GAB2: variants seen among roughly 807,000 people sequenced by gnomAD.
GAB2 encodes GRB2-associated-binding protein 2.
A neutral mutation model predicts 65.5 loss-of-function variants in GAB2; 26 were observed. The observed-to-expected ratio is 0.40, with a 90% CI of 0.29 to 0.55. GAB2 has a LOEUF of 0.55. Ranked by LOEUF, GAB2 falls within the 20% of genes least tolerant of loss-of-function variation. The pLI is 0.53. For synonymous variants in GAB2, 321 were observed against 329.6 expected (o/e 0.97, Z 0.28); for missense variants, 884 against 875.8 (o/e 1.01, Z -0.12).
At chr11:78,396,108 T>C (rs755906691) in intron 1 of GAB2, among the ~76,000 whole-genome samples, 1 of 152,188 alleles carries the variant, frequency 6.6e-6, no homozygotes, top group Non-Finnish European at 1.5e-5. Context: ...GTTCCTTAAT[T>C]TTCATATACT....
chr11:78,294,865 C>A (rs1010349623), intron 1 of GAB2, among the ~76,000 whole-genome samples: 8 of 152,198 alleles, frequency 5.3e-5, no homozygotes, highest in Admixed American at 2.0e-4. Context: ...AAAGCAATGG[C>A]AACAAAAGCC....
chr11:78,382,950 C>T (rs141108838), intron 1 of GAB2, among the ~76,000 whole-genome samples: 89 of 152,320 alleles, frequency 5.8e-4, no homozygotes, highest in African/African-American at 2.1e-3. Flanking sequence ...TCAGAAAACA[C>T]ATTTAGTCTA....
chr11:78,289,581 C>T (rs932172430), intron 1 of GAB2, among the ~76,000 whole-genome samples: 5 of 152,034 alleles, frequency 3.3e-5, no homozygotes, highest in African/African-American at 1.2e-4. Context: ...TACAAAGTTT[C>T]AGGAAGTTAA....
intron 1 of GAB2, among the ~76,000 whole-genome samples, chr11:78,315,638 T>A (rs1855587970): frequency 6.6e-6 from 1 of 152,124 alleles, no homozygotes; most frequent in African/African-American, 2.4e-5. Flanking sequence ...ACACCAAAGG[T>A]ATAGGTAGCA....
intron 3 of GAB2, among the ~76,000 whole-genome samples, chr11:78,238,022 G>A (rs1295414252): frequency 6.6e-6 from 1 of 152,134 alleles, no homozygotes; most frequent in African/African-American, 2.4e-5. Flanking sequence ...TACACATTGT[G>A]ACCTGTTAGG....
At chr11:78,386,605 C>T (rs1322941829) in intron 1 of GAB2, among the ~76,000 whole-genome samples, 1 of 152,180 alleles carries the variant, frequency 6.6e-6, no homozygotes, top group Non-Finnish European at 1.5e-5. Context: ...CAGCTACAAC[C>T]CTATATGCCT....
At chr11:78,345,688 GTTAAT>G (rs1225907579) in intron 1 of GAB2, among the ~76,000 whole-genome samples, 1 of 152,200 alleles carries the variant, frequency 6.6e-6, no homozygotes, top group Non-Finnish European at 1.5e-5. Flanking sequence ...GTTTGAAAAT[GTTAAT>G]TTGAGAGTCC....
chr11:78,321,402 C>T (rs559316444), intron 1 of GAB2, among the ~76,000 whole-genome samples: 80 of 152,280 alleles, frequency 5.3e-4, no homozygotes, highest in African/African-American at 1.9e-3. Flanking sequence ...TTATGTTATA[C>T]TTTTTGGCTG....
At chr11:78,411,999 C>T (rs143273931) in intron 1 of GAB2, among the ~76,000 whole-genome samples, 2,468 of 151,796 alleles carry the variant, frequency 0.016, 61 homozygotes, top group African/African-American at 0.056. Flanking sequence ...CACCGCACTC[C>T]AGCCTGGGTG....
chr11:78,334,056 T>C (rs1855959355), intron 1 of GAB2, among the ~76,000 whole-genome samples: 1 of 152,334 alleles, frequency 6.6e-6, no homozygotes, highest in East Asian at 1.9e-4. Flanking sequence ...GGTTCCTTCC[T>C]ATTTTCTACA....
At chr11:78,327,174 A>G (rs1347940406) in intron 1 of GAB2, among the ~76,000 whole-genome samples, 6 of 152,200 alleles carry the variant, frequency 3.9e-5, no homozygotes, top group Non-Finnish European at 1.5e-5. Flanking sequence ...ATCTGGGTCA[A>G]TTTTAATCCT....
At chr11:78,287,215 G>C (rs998708210) in intron 1 of GAB2, among the ~76,000 whole-genome samples, 4 of 152,188 alleles carry the variant, frequency 2.6e-5, no homozygotes, top group African/African-American at 7.2e-5. Context: ...CAGGAACAGA[G>C]GGGAGCTTCT....
intron 2 of GAB2, among the ~76,000 whole-genome samples, chr11:78,269,586 C>T (rs572773836): frequency 6.6e-6 from 1 of 152,352 alleles, no homozygotes; most frequent in African/African-American, 2.4e-5. Context: ...ACCCCACTAA[C>T]ATTCCTCACT....
At chr11:78,266,599 C>T (rs1865882420) in intron 2 of GAB2, among the ~76,000 whole-genome samples, 3 of 152,128 alleles carry the variant, frequency 2.0e-5, no homozygotes, top group Admixed American at 6.5e-5. Flanking sequence ...AGGTTAACCC[C>T]CAATTTTTTA....
rs796161663 is a variant in GAB2 at position 78,291,555 on chromosome 11, C to CTTTTTTTTTTTTTTT, written c.76-10655_76-10654insAAAAAAAAAAAAAAA. The stretch of plus-strand genomic sequence containing the variant: ...CCTATCTTGAGAGACTTACTTTTTT[C>CTTTTTTTTTTTTTTT]TTTTTCTTTTTTTTTTTTTTTTTTT... On this transcript the variant is annotated intron_variant, in intron 1 of 9. Coordinates refer to ENST00000361507, the MANE Select transcript of GAB2 (RefSeq NM_080491.3). 3.6e-4 allele frequency among the ~76,000 whole-genome samples: 20 copies of CTTTTTTTTTTTTTTT among 55,046 alleles called. 6 individuals carry two copies. The highest frequency in any genetic ancestry group is 8.9e-4 in the African/African-American group (14 of 15,662). 36.1% of individuals were successfully genotyped at this position (55,046 alleles called of 152,430 possible).
chr11:78,284,066 A>T (rs1162886403), intron 1 of GAB2, among the ~76,000 whole-genome samples: 1 of 151,952 alleles, frequency 6.6e-6, no homozygotes, highest in African/African-American at 2.4e-5. Context: ...TATCTCCCAG[A>T]TCTGTTCTTC....
At chr11:78,354,763 C>T (rs151305664) in intron 1 of GAB2, among the ~76,000 whole-genome samples, 1 of 152,326 alleles carries the variant, frequency 6.6e-6, no homozygotes, top group East Asian at 1.9e-4. Context: ...ATTCGCCTTC[C>T]AGCATCTTCA....
rs1864121765 is a variant in GAB2 at position 78,216,005 on chromosome 11, A to G, written c.*3267T>C. 6.6e-6 allele frequency: 1 copy of G among 152,610 alleles called. No individual in the cohort carries two copies. Among genetic ancestry groups the G allele is most frequent in the Non-Finnish European group, 1.5e-5 (1 of 68,048 alleles). 9.5% of individuals were successfully genotyped at this position (152,610 alleles called of 1,614,324 possible). ...TACTTTGTTAACTTCTACATTGGAA[A>G]CCACTAAAGTCAAGCTAGGAGGGGA... On this transcript the variant is annotated 3_prime_UTR_variant, in exon 10 of 10. Coordinates refer to ENST00000361507, the MANE Select transcript of GAB2 (RefSeq NM_080491.3).
At chr11:78,404,502 G>C (rs1042487533) in intron 1 of GAB2, among the ~76,000 whole-genome samples, 2 of 152,220 alleles carry the variant, frequency 1.3e-5, no homozygotes, top group African/African-American at 4.8e-5. Context: ...AGCCAAGATT[G>C]TACCACTACA....
Sources: gnomAD v4.1 joint callset for allele counts (sites outside exome capture counted in the v4.1 genomes callset) on GRCh38, gnomAD v4.1.1 for gene constraint, MANE v1.5 for transcripts, NCBI Gene and HGNC (gene_info 2026-07-23, HGNC 2026-07-21) for gene names.